The following SYNE2 variants were observed in gnomAD, a reference collection of about 807,000 sequenced individuals.
SYNE2 encodes the protein spectrin repeat containing nuclear envelope protein 2.
In SYNE2, 431 loss-of-function variants were observed where a neutral mutation model predicts 856.3. The observed-to-expected ratio is 0.50, with a 90% CI of 0.47 to 0.55. The LOEUF is 0.55. Among genes scored for constraint, SYNE2 ranks in the 20% least tolerant of loss-of-function variants. The pLI is 0.00. For synonymous variants in SYNE2, 2,923 were observed against 2,872.3 expected (o/e 1.02, Z -0.56); for missense variants, 8,129 against 8,023.2 (o/e 1.01, Z -0.50).
chr14:63,869,198 G>T (rs1046172488), intron 1 of SYNE2, among the ~76,000 whole-genome samples: 4 of 152,172 alleles, frequency 2.6e-5, no homozygotes, highest in African/African-American at 9.7e-5. Flanking sequence ...CAGCCTGCTC[G>T]CTGCCTCTGG....
At position 64,162,419 on chromosome 14, in the gene SYNE2, G is replaced by A. The variant is rs893346897; in HGVS notation, c.16299+143G>A. The A allele has an allele frequency of 9.1e-6, 8 of 874,538 alleles. No homozygotes were observed. The South Asian group carries it at 9.9e-5, about 11-fold the overall frequency. 54.2% of individuals were successfully genotyped at this position (874,538 alleles called of 1,614,324 possible). A position where few individuals can be genotyped will look rare whatever the true frequency, so the allele number is the denominator to read the frequency against. On this transcript the variant is annotated intron_variant, in intron 88 of 115. Coordinates refer to ENST00000555002, the MANE Select transcript of SYNE2 (RefSeq NM_182914.3). ...TGTGAACTTGCCATGTAGGACATAGGCAAGGCTGGGAGGACCAGGTGGTGG... is the reference window on the plus strand; with the variant it reads ...TGTGAACTTGCCATGTAGGACATAGACAAGGCTGGGAGGACCAGGTGGTGG...
At chr14:64,224,686 A>C in intron 114 of SYNE2, 139 bp downstream of exon 114, 1 of 944,494 alleles carries the variant, frequency 1.1e-6, no homozygotes, top group Non-Finnish European at 1.7e-6. Context: ...AGAGGCTTAC[A>C]GTCTGCCTCT....
intron 57 of SYNE2, 165 bp from the exon 58 acceptor site, chr14:64,087,504 CTT>C: frequency 1.2e-6 from 1 of 801,298 alleles, no homozygotes; most frequent in East Asian, 2.5e-5. Flanking sequence ...ACTCTGAAGT[CTT>C]TCACTGTCAT....
intron 18 of SYNE2, among the ~76,000 whole-genome samples, chr14:63,986,005 A>G (rs563145035): frequency 6.8e-4 from 104 of 152,344 alleles, no homozygotes; most frequent in African/African-American, 2.4e-3. Context: ...GAGACCTCAT[A>G]TAGAAGAAAA....
Position 64,162,052 on chromosome 14 carries a change from T to C in SYNE2, c.16095-20T>C. The C allele has an allele frequency of 6.2e-7, 1 of 1,614,094 alleles. No individual in the cohort carries two copies. Among genetic ancestry groups the C allele is most frequent in the Non-Finnish European group, 8.5e-7 (1 of 1,179,976 alleles). ...AGAAAGGAGAGAATGAGGGTTATGT[T>C]ATTTGCGTTGCACTGACAGGTGGAC... is the stretch of plus-strand genomic sequence containing the variant. On this transcript the variant is annotated intron_variant, in intron 87 of 115. Coordinates refer to ENST00000555002, the MANE Select transcript of SYNE2 (RefSeq NM_182914.3).
intron 79 of SYNE2, among the ~76,000 whole-genome samples, chr14:64,138,713 G>A (rs1248900635): frequency 6.6e-6 from 1 of 152,142 alleles, no homozygotes; most frequent in East Asian, 1.9e-4. Flanking sequence ...TGCTTAGTTG[G>A]TATAATCTTG....
chr14:64,152,003 A>G (rs1378855698), intron 84 of SYNE2, among the ~76,000 whole-genome samples: 1 of 152,148 alleles, frequency 6.6e-6, no homozygotes, highest in Non-Finnish European at 1.5e-5. Context: ...GGGATCCTGT[A>G]GGTTTTTAAA....
rs1445529578 is a variant in SYNE2 at position 64,016,581 on chromosome 14, G to A, written c.4837G>A (p.Glu1613Lys). Residue 1613 changes from glutamate to lysine, a missense_variant, in exon 33 of 116, where the codon GAG (glutamate) becomes AAG (lysine). This residue lies in a region of SYNE2 where 2,422 missense variants were observed against 2,357.4 expected (regional missense o/e 1.03). Transcript: ENST00000555002. Reference sequence around the variant, plus strand: ...TCTAAATAAAATGAAAACTTTTGAAGAGCCCCCTTTTGAAAAAGAGGCTAA... The same window carrying A: ...TCTAAATAAAATGAAAACTTTTGAAAAGCCCCCTTTTGAAAAAGAGGCTAA... ...FYLNKMKTFE[E>K]PPFEKEANII... 1 of 1,603,748 alleles carries A rather than the reference G, an allele frequency of 6.2e-7. No individual in the cohort carries two copies. Among genetic ancestry groups the A allele is most frequent in the African/African-American group, 1.3e-5 (1 of 74,740 alleles).
At chr14:64,175,305 T>C (rs764418654) in intron 95 of SYNE2, among the ~76,000 whole-genome samples, 167 bp downstream of exon 95, 20 of 152,220 alleles carry the variant, frequency 1.3e-4, no homozygotes, top group Admixed American at 2.0e-4. Flanking sequence ...AATGATGATA[T>C]AGCATTGCAA....
intron 1 of SYNE2, among the ~76,000 whole-genome samples, chr14:63,887,471 GA>G (rs139275356): frequency 0.014 from 2,064 of 152,272 alleles, 41 homozygotes; most frequent in African/African-American, 0.047. Context: ...GGTCCCTGGG[GA>G]AGGTGTTCAG....
At chr14:63,857,645 T>C (rs953037458) in intron 1 of SYNE2, among the ~76,000 whole-genome samples, 9 of 152,218 alleles carry the variant, frequency 5.9e-5, no homozygotes, top group Non-Finnish European at 2.9e-5. Flanking sequence ...TAGGCTTTTA[T>C]AGCCATTCTG....
intron 1 of SYNE2, among the ~76,000 whole-genome samples, chr14:63,865,507 G>A (rs1894955064): frequency 6.6e-6 from 1 of 152,042 alleles, no homozygotes; most frequent in Non-Finnish European, 1.5e-5. Flanking sequence ...TCCTGCCTTA[G>A]CCTCCCAAGT....
At position 64,107,578 on chromosome 14, in the gene SYNE2, T is replaced by C; in HGVS notation, c.12580T>C (p.Cys4194Arg). 1 of 1,614,190 alleles carries C rather than the reference T, an allele frequency of 6.2e-7. No individual in the cohort carries two copies. Among genetic ancestry groups the C allele is most frequent in the Non-Finnish European group, 8.5e-7 (1 of 1,180,030 alleles). ...ACTAAACACTGAGCAAGGCCCAGAA[T>C]GTTCCCTAAGGCCCAACCAAACAGA... ...DSLNTEQGPE[C>R]SLRPNQTEEG... Residue 4194 changes from cysteine to arginine, a missense_variant, in exon 65 of 116, where the codon TGT becomes CGT. Physicochemically the swap from Cys to Arg is radical, Grantham distance 180. This residue lies in a region of SYNE2 where 5,410 missense variants were observed against 5,284.8 expected (regional missense o/e 1.02). Transcript: ENST00000555002.
rs1045914681 is a variant in SYNE2, at chr14:64,003,413, C to G, written c.4397+83C>G. ...TTCTGTTAGGTGAAAGAAATTCTTC[C>G]TATGTCTTTCTGCTTCTATTCCATC... On this transcript the variant is annotated intron_variant, in intron 30 of 115. Transcript: ENST00000555002. The G allele has an allele frequency of 2.0e-5, 31 of 1,526,036 alleles. No homozygotes were observed. In the East Asian group the frequency reaches 4.7e-4, roughly 23 times the overall value. 94.5% of individuals were successfully genotyped at this position (1,526,036 alleles called of 1,614,324 possible).
At chr14:63,869,648 A>AAAC (rs1555354392) in intron 1 of SYNE2, among the ~76,000 whole-genome samples, 41 of 151,504 alleles carry the variant, frequency 2.7e-4, no homozygotes, top group African/African-American at 9.4e-4. Context: ...AAAAAAAAAA[A>AAAC]AAAAAAAAAA....
At chr14:64,136,811 T>A (rs1037410065) in intron 78 of SYNE2, among the ~76,000 whole-genome samples, 1 of 152,208 alleles carries the variant, frequency 6.6e-6, no homozygotes, top group Non-Finnish European at 1.5e-5. Flanking sequence ...ACTATTTTAT[T>A]TATCCTCTTC....
At chr14:63,830,508 A>C (rs551094442) in intron 1 of SYNE2, among the ~76,000 whole-genome samples, 11 of 151,974 alleles carry the variant, frequency 7.2e-5, no homozygotes, top group African/African-American at 2.4e-4. Context: ...ATAATTTTTA[A>C]AAATTAACTG....
intron 30 of SYNE2, 26 bp from the exon 31 acceptor site, chr14:64,007,017 A>G: frequency 6.3e-7 from 1 of 1,591,866 alleles, no homozygotes; most frequent in South Asian, 1.1e-5. Context: ...GTTGGCTATC[A>G]AACTTTTTTC....
chr14:63,973,812 G>A (rs541559622), intron 11 of SYNE2, among the ~76,000 whole-genome samples: 1 of 152,204 alleles, frequency 6.6e-6, no homozygotes, highest in East Asian at 1.9e-4. Context: ...TCCTCATTTT[G>A]TATACCTGGG....
Sources: gnomAD v4.1 joint callset for allele counts (sites outside exome capture counted in the v4.1 genomes callset) on GRCh38, gnomAD v4.1.1 for gene constraint, gnomAD v4.1.1 regional missense constraint, MANE v1.5 for transcripts, NCBI Gene and HGNC (gene_info 2026-07-23, HGNC 2026-07-21) for gene names.